Variants in TRUB1 observed in about 807,000 individuals in gnomAD.
TRUB1 encodes TruB pseudouridine synthase family member 1.
TRUB1 carries 23 observed loss-of-function variants against 33.9 expected under a neutral mutation model. The ratio of observed to expected loss-of-function variants is 0.68; its 90% CI spans 0.49 to 0.96. The LOEUF is 0.96. TRUB1 is among the 40% of genes least tolerant of loss of function. The pLI, the probability that TRUB1 is intolerant of heterozygous loss-of-function variation, is 0.00. For synonymous variants in TRUB1, 163 were observed against 165.4 expected, an observed-to-expected ratio of 0.99 and a Z score of 0.11; for missense variants, 378 against 422.2, an observed-to-expected ratio of 0.90 and a Z score of 0.92.
intron 3 of TRUB1, 52 bp from the exon 4 acceptor site, chr10:114,959,674 C>G (rs376776111): frequency 8.7e-7 from 1 of 1,147,434 alleles, no homozygotes; most frequent in African/African-American, 1.5e-5. Context: ...ACATGCATAA[C>G]AGTTTTTGTT....
intron 7 of TRUB1, among the ~76,000 whole-genome samples, chr10:114,974,913 T>G (rs2084353250): frequency 6.6e-6 from 1 of 152,156 alleles, no homozygotes; most frequent in Non-Finnish European, 1.5e-5. Context: ...CTTTGTTGAT[T>G]TTAAAGCAGC....
intron 3 of TRUB1, among the ~76,000 whole-genome samples, chr10:114,958,179 T>TA (rs2084269558): frequency 3.3e-5 from 5 of 152,206 alleles, no homozygotes. Flanking sequence ...CCTGTGCTGT[T>TA]ACCATTGTTG....
intron 4 of TRUB1, chr10:114,960,081 G>GTTTAT: frequency 2.9e-6 from 1 of 344,592 alleles, no homozygotes; most frequent in Non-Finnish European, 5.2e-6. Context: ...AGCATGTATG[G>GTTTAT]CTAGGATTTA....
intron 3 of TRUB1, among the ~76,000 whole-genome samples, chr10:114,954,045 AC>A (rs1246504501): frequency 6.7e-6 from 1 of 149,316 alleles, no homozygotes; most frequent in East Asian, 1.9e-4. Flanking sequence ...TATTCTTGAT[AC>A]TTTTCCTTCT....
Position 114,959,804 on chromosome 10 carries a change from T to TA in TRUB1, c.521dup (p.Tyr174Ter). 1.9e-6 allele frequency: 3 copies of TA among 1,594,964 alleles called. No homozygotes were observed. The highest frequency in any genetic ancestry group is 2.6e-6 in the Non-Finnish European group (3 of 1,163,050). ...STGRVTEEKP[Y>*]DKITQEDIEG... is the part of the protein sequence containing the mutation. ...GGGGAGGGTAACAGAAGAAAAACCT[T>TA]ACGGTATGAAGCTCATCTAATGTAG... The change falls in exon 4 of 8, where the codon TAC (tyrosine) becomes TAAC (stop). Residue 174 changes from tyrosine (Y) to a stop codon, truncating the protein, a stop_gained and frameshift_variant. Coordinates refer to ENST00000298746, the MANE Select transcript of TRUB1 (RefSeq NM_139169.5). LOFTEE classifies it high-confidence loss of function.
intron 1 of TRUB1, among the ~76,000 whole-genome samples, chr10:114,942,197 A>T (rs2084190897): frequency 6.6e-6 from 1 of 152,200 alleles, no homozygotes; most frequent in Admixed American, 6.5e-5. Context: ...ATGTACTCGC[A>T]ATGTTAGGTA....
chr10:114,949,987 C>T, intron 2 of TRUB1, among the ~76,000 whole-genome samples: 1 of 151,348 alleles, frequency 6.6e-6, no homozygotes, highest in Non-Finnish European at 1.5e-5. Flanking sequence ...CAACCTCTGC[C>T]TCTTGGGTTC....
chr10:114,972,384 A>G, intron 6 of TRUB1, 110 bp downstream of exon 6: 8 of 1,279,844 alleles, frequency 6.3e-6, no homozygotes, highest in Non-Finnish European at 8.5e-6. Context: ...ATTTTTTAAA[A>G]TTTGAATTTA....
At chr10:114,961,252 G>A (rs1319173777) in intron 4 of TRUB1, among the ~76,000 whole-genome samples, 1 of 152,010 alleles carries the variant, frequency 6.6e-6, no homozygotes, top group African/African-American at 2.4e-5. Flanking sequence ...AGAGATGATG[G>A]TAAGTTGGAC....
At position 114,957,716 on chromosome 10, in the gene TRUB1, A is replaced by G. The variant is rs533580507; in HGVS notation, c.442-2010A>G. On this transcript the variant is annotated intron_variant, in intron 3 of 7. Transcript: ENST00000298746. ...AAACACCAAGAGTCCAGAGACTAGA[A>G]TGGGCATTGCATACTTGGGAAACAT... is the stretch of plus-strand genomic sequence containing the variant. 1.1e-4 allele frequency among the ~76,000 whole-genome samples: 16 copies of G among 152,328 alleles called. No homozygotes were observed. The East Asian group carries it at 2.9e-3, about 28-fold the overall frequency.
chr10:114,973,665 T>C (rs1234874850), intron 6 of TRUB1, among the ~76,000 whole-genome samples: 1 of 152,228 alleles, frequency 6.6e-6, no homozygotes, highest in Non-Finnish European at 1.5e-5. Context: ...TCTTAACCAA[T>C]AAACTTGTGT....
At chr10:114,939,519 A>G (rs2084176219) in intron 1 of TRUB1, among the ~76,000 whole-genome samples, 1 of 152,202 alleles carries the variant, frequency 6.6e-6, no homozygotes, top group Admixed American at 6.5e-5. Flanking sequence ...TTAGTGTCCC[A>G]TGGAAAACTT....
intron 6 of TRUB1, among the ~76,000 whole-genome samples, chr10:114,973,849 TTTGGTTGG>T (rs1004345589): frequency 1.3e-5 from 2 of 152,142 alleles, no homozygotes; most frequent in African/African-American, 4.8e-5. Flanking sequence ...AAAAGGGGTT[TTTGGTTGG>T]TTGGTTGGTT....
intron 2 of TRUB1, among the ~76,000 whole-genome samples, chr10:114,944,416 A>G (rs1263799727): frequency 6.6e-6 from 1 of 152,222 alleles, no homozygotes; most frequent in Non-Finnish European, 1.5e-5. Flanking sequence ...TATGTTGGCA[A>G]TAATATTTTT....
intron 4 of TRUB1, chr10:114,960,030 T>G (rs2084278919): frequency 2.1e-6 from 1 of 478,616 alleles, no homozygotes; most frequent in Non-Finnish European, 3.7e-6. Flanking sequence ...AGTGATGTTT[T>G]AAGTGTTCAG....
chr10:114,944,551 C>T (rs754689554), intron 2 of TRUB1, among the ~76,000 whole-genome samples: 3 of 151,964 alleles, frequency 2.0e-5, no homozygotes, highest in Non-Finnish European at 4.4e-5. Context: ...GCCAGCTACT[C>T]GGGAGGCTGA....
At chr10:114,946,050 A>G (rs1366057625) in intron 2 of TRUB1, among the ~76,000 whole-genome samples, 1 of 152,218 alleles carries the variant, frequency 6.6e-6, no homozygotes, top group African/African-American at 2.4e-5. Flanking sequence ...TTGTTGTCCA[A>G]GTTAGCAGTT....
intron 2 of TRUB1, among the ~76,000 whole-genome samples, chr10:114,945,295 T>G (rs1453794888): frequency 6.6e-6 from 1 of 152,184 alleles, no homozygotes; most frequent in Admixed American, 6.5e-5. Context: ...TGGCAGAAAT[T>G]AGGGCTTCAT....
intron 4 of TRUB1, among the ~76,000 whole-genome samples, chr10:114,961,965 T>G (rs772468798): frequency 9.9e-5 from 15 of 152,204 alleles, no homozygotes; most frequent in Non-Finnish European, 2.1e-4. Flanking sequence ...TCAGAGATAC[T>G]TGAATTTACT....
Sources: gnomAD v4.1 joint callset for allele counts (sites outside exome capture counted in the v4.1 genomes callset) on GRCh38, gnomAD v4.1.1 for gene constraint, MANE v1.5 for transcripts, NCBI Gene and HGNC (gene_info 2026-07-23, HGNC 2026-07-21) for gene names.